Variants in ADGRL2 observed in about 807,000 individuals in gnomAD.
ADGRL2 encodes the protein adhesion G protein-coupled receptor L2.
Under a neutral mutation model 157.4 loss-of-function variants are expected in ADGRL2, and 44 were observed. That is an observed-to-expected ratio of 0.28 (90% CI 0.22 to 0.36). The LOEUF is 0.36. Among genes scored for constraint, ADGRL2 ranks in the 10% least tolerant of loss-of-function variants. ADGRL2 has a pLI of 1.00. For synonymous variants in ADGRL2, 585 were observed against 624.7 expected, an observed-to-expected ratio of 0.94 and a Z score of 0.95; for missense variants, 1,510 against 1,768.9, an observed-to-expected ratio of 0.85 and a Z score of 2.63.
chr1:81,350,448 C>T (rs1237715812), intron 1 of ADGRL2, among the ~76,000 whole-genome samples: 5 of 152,112 alleles, frequency 3.3e-5, no homozygotes, highest in Admixed American at 3.3e-4. Context: ...TAAAAATTTT[C>T]CAAAATCATT....
At chr1:81,319,256 A>G (rs1048280467) in intron 1 of ADGRL2, among the ~76,000 whole-genome samples, 2 of 151,966 alleles carry the variant, frequency 1.3e-5, no homozygotes, top group South Asian at 2.1e-4. Flanking sequence ...TTTATCCTCC[A>G]TCAATTCTAT....
intron 2 of ADGRL2, among the ~76,000 whole-genome samples, chr1:81,555,522 G>A (rs897007283): frequency 1.3e-5 from 2 of 151,994 alleles, no homozygotes; most frequent in African/African-American, 4.8e-5. Flanking sequence ...ACCTGCTTTG[G>A]CCTCCCAAAG....
At chr1:81,965,512 GA>G (rs1199399564) in intron 11 of ADGRL2, among the ~76,000 whole-genome samples, 4 of 150,508 alleles carry the variant, frequency 2.7e-5, no homozygotes, top group Non-Finnish European at 5.9e-5. Flanking sequence ...TTAGAAATTA[GA>G]AAAAAAAAGT....
chr1:81,723,861 C>A (rs2084421076), intron 1 of ADGRL2, among the ~76,000 whole-genome samples: 1 of 152,038 alleles, frequency 6.6e-6, no homozygotes. Context: ...AATTGGAGTA[C>A]TTAGTTCTGT....
chr1:81,862,806 A>G (rs1350512353), intron 2 of ADGRL2, among the ~76,000 whole-genome samples: 1 of 152,200 alleles, frequency 6.6e-6, no homozygotes, highest in African/African-American at 2.4e-5. Context: ...AGAGGAGATA[A>G]TAACTGTTGG....
rs375033003 is a variant in ADGRL2, at chr1:81,653,320, G to GTTTTT, written c.-143+72349_-143+72353dup. On this transcript the variant is annotated intron_variant, in intron 3 of 24. Coordinates refer to the ADGRL2 transcript ENST00000370721. The stretch of plus-strand genomic sequence containing the variant: ...TTTCCCTTTCTGATAAACCTTTAGG[G>GTTTTT]TTTTTTTTTTTTTCACTTTTATCAA... Among the ~76,000 whole-genome samples, 221 of 135,416 alleles carry GTTTTT rather than the reference G, an allele frequency of 1.6e-3. 1 individual carries two copies. Among genetic ancestry groups the GTTTTT allele is most frequent in the African/African-American group, 3.4e-3 (125 of 36,272 alleles). The allele number at this position is 135,416 out of a possible 152,430, so 88.8% of individuals were successfully genotyped here. A position where few individuals can be genotyped will look rare whatever the true frequency, so the allele number is the denominator to read the frequency against.
intron 2 of ADGRL2, among the ~76,000 whole-genome samples, chr1:81,777,551 G>C (rs980803395): frequency 6.6e-5 from 10 of 151,690 alleles, no homozygotes; most frequent in African/African-American, 2.4e-4. Flanking sequence ...CAGGTGAATT[G>C]CCTGACTCCA....
At chr1:81,789,899 G>A (rs2087249953) in intron 2 of ADGRL2, among the ~76,000 whole-genome samples, 1 of 152,014 alleles carries the variant, frequency 6.6e-6, no homozygotes, top group Non-Finnish European at 1.5e-5. Flanking sequence ...GGTTGTTGGA[G>A]GTAGTGTTCC....
rs555404526 is a variant in ADGRL2, at chr1:81,768,296, G to T, written c.-101+6444G>T. Reference sequence around the variant, plus strand: ...CTCCTGGCCTCAAGCGGTACTCCCAGCTATCATCTGCTGAGGTTATAGGTG... The same window carrying T: ...CTCCTGGCCTCAAGCGGTACTCCCATCTATCATCTGCTGAGGTTATAGGTG... On this transcript the variant is annotated intron_variant, in intron 2 of 20. Coordinates refer to the ADGRL2 transcript ENST00000359929. Among the ~76,000 whole-genome samples the T allele has an allele frequency of 5.5e-4, 84 of 152,126 alleles. 1 individual carries two copies. The South Asian group carries it at 0.017, about 32-fold the overall frequency.
chr1:81,327,130 TGA>T (rs1660958238), intron 1 of ADGRL2, among the ~76,000 whole-genome samples: 5 of 152,162 alleles, frequency 3.3e-5, no homozygotes, highest in Admixed American at 2.6e-4. Flanking sequence ...CTTCTTTATC[TGA>T]GAGTCTCCGG....
intron 2 of ADGRL2, among the ~76,000 whole-genome samples, chr1:81,470,227 T>C (rs1431397694): frequency 3.3e-5 from 5 of 152,220 alleles, no homozygotes; most frequent in Non-Finnish European, 5.9e-5. Flanking sequence ...TTTTCTTTTG[T>C]TCAAGTTATG....
chr1:81,732,923 T>C (rs2084773726), intron 1 of ADGRL2, among the ~76,000 whole-genome samples: 1 of 152,242 alleles, frequency 6.6e-6, no homozygotes, highest in African/African-American at 2.4e-5. Context: ...TAAGGGTTTT[T>C]ATTTTGAAGA....
chr1:81,845,150 G>T (rs2092736087), intron 2 of ADGRL2, among the ~76,000 whole-genome samples: 2 of 151,864 alleles, frequency 1.3e-5, no homozygotes, highest in Admixed American at 1.3e-4. Context: ...TTAATTATCA[G>T]AAACAGTATT....
intron 3 of ADGRL2, among the ~76,000 whole-genome samples, chr1:81,919,592 A>G (rs2094934123): frequency 6.6e-6 from 1 of 151,960 alleles, no homozygotes; most frequent in African/African-American, 2.4e-5. Flanking sequence ...ACTTAGAAAA[A>G]TCACACAGGA....
intron 2 of ADGRL2, among the ~76,000 whole-genome samples, chr1:81,856,000 G>T (rs2093189513): frequency 6.6e-6 from 1 of 152,116 alleles, no homozygotes; most frequent in African/African-American, 2.4e-5. Flanking sequence ...CTGATGTTTG[G>T]GAATAAAGTA....
At chr1:81,425,435 G>T (rs1160264882) in intron 1 of ADGRL2, among the ~76,000 whole-genome samples, 1 of 152,046 alleles carries the variant, frequency 6.6e-6, no homozygotes, top group African/African-American at 2.4e-5. Context: ...TGTTAAACGT[G>T]CATTAGGTAC....
At chr1:81,722,247 C>T (rs1399289123) in intron 1 of ADGRL2, 6 of 402,612 alleles carry the variant, frequency 1.5e-5, no homozygotes, top group South Asian at 8.4e-5. Flanking sequence ...GAGCGGAGAT[C>T]GCGCCACTGC....
At chr1:81,457,559 G>T (rs1475227873) in intron 2 of ADGRL2, among the ~76,000 whole-genome samples, 4 of 152,026 alleles carry the variant, frequency 2.6e-5, no homozygotes, top group African/African-American at 9.7e-5. Flanking sequence ...AATAACCAAA[G>T]AATTGAAATA....
intron 3 of ADGRL2, among the ~76,000 whole-genome samples, chr1:81,605,655 TC>T (rs1486515962): frequency 6.6e-6 from 1 of 152,330 alleles, no homozygotes; most frequent in South Asian, 2.1e-4. Flanking sequence ...TCCATGAGCA[TC>T]CACTTTGTGA....
Sources: allele counts gnomAD v4.1 joint callset (sites outside exome capture counted in the v4.1 genomes callset), GRCh38; gene constraint gnomAD v4.1.1; transcripts MANE v1.5; gene names NCBI Gene and HGNC (gene_info 2026-07-23, HGNC 2026-07-21).